Variants in CRADD observed in about 807,000 individuals in gnomAD.
CRADD encodes the protein CARD and death domain containing adaptor protein, also known as death domain-containing protein CRADD.
CRADD carries 9 observed loss-of-function variants against 15.5 expected under a neutral mutation model. The observed-to-expected ratio is 0.58, with a 90% confidence interval of 0.35 to 1.01. CRADD has a LOEUF of 1.01. CRADD is among the 50% of genes least tolerant of loss of function. The pLI is 0.02. For missense variants in CRADD, 227 were observed against 250.3 expected (o/e 0.91, Z 0.63); for synonymous variants, 118 against 107.6 (o/e 1.10, Z -0.60).
intron 2 of CRADD, chr12:93,738,087 G>A (rs573855736): frequency 6.6e-5 from 33 of 500,974 alleles, no homozygotes; most frequent in African/African-American, 5.9e-4. Flanking sequence ...TGTAAGTGTT[G>A]AATTGAGCTA....
In CRADD at chr12:93,709,872, G is replaced by A. The variant is rs73359698; in HGVS notation, c.298+30800G>A. On this transcript the variant is annotated intron_variant, in intron 2 of 2. Transcript: ENST00000332896. ...GTGGTTCATTTTAACTAGAATAGCT[G>A]GTTCATGACTGGTGGCAGTTATTGG... is the stretch of plus-strand genomic sequence containing the variant. 5.3e-3 allele frequency among the ~76,000 whole-genome samples: 805 copies of A among 152,288 alleles called. 3 individuals carry two copies. The highest frequency in any genetic ancestry group is 0.018 in the African/African-American group (760 of 41,560).
At chr12:93,782,213 A>T (rs567219727) in intron 2 of CRADD, among the ~76,000 whole-genome samples, 1 of 152,180 alleles carries the variant, frequency 6.6e-6, no homozygotes, top group African/African-American at 2.4e-5. Context: ...GAAACTGGAA[A>T]CCAGCATTCT....
intron 2 of CRADD, among the ~76,000 whole-genome samples, chr12:93,886,386 CTT>C (rs140874984): frequency 0.12 from 17,753 of 152,022 alleles, 1,133 homozygotes; most frequent in African/African-American, 0.13. Flanking sequence ...GTCTCAAACT[CTT>C]GAGCTCAAGC....
At chr12:93,726,558 C>G (rs1353003226) in intron 2 of CRADD, among the ~76,000 whole-genome samples, 1 of 152,106 alleles carries the variant, frequency 6.6e-6, no homozygotes, top group African/African-American at 2.4e-5. Context: ...TTTACTAGTA[C>G]TCTACTTGGA....
At chr12:93,755,504 G>A (rs1313674507) in intron 2 of CRADD, among the ~76,000 whole-genome samples, 1 of 152,166 alleles carries the variant, frequency 6.6e-6, no homozygotes, top group Non-Finnish European at 1.5e-5. Flanking sequence ...CCAGGTGTTG[G>A]TTGTTTAACA....
chr12:93,886,162 CTTTTTTTTTTT>C (rs761719331), intron 2 of CRADD, among the ~76,000 whole-genome samples: 24 of 123,948 alleles, frequency 1.9e-4, no homozygotes, highest in Admixed American at 1.8e-3. Flanking sequence ...GCTGCTGATG[CTTTTTTTTTTT>C]TTTTTTTTTG....
At chr12:93,697,098 A>G (rs1955726500) in intron 2 of CRADD, among the ~76,000 whole-genome samples, 1 of 152,244 alleles carries the variant, frequency 6.6e-6, no homozygotes, top group Non-Finnish European at 1.5e-5. Context: ...GAGATAATGC[A>G]TATTTTAATC....
chr12:93,783,465 A>G (rs916797491), intron 2 of CRADD, among the ~76,000 whole-genome samples: 7 of 151,898 alleles, frequency 4.6e-5, no homozygotes, highest in African/African-American at 1.7e-4. Context: ...ACAATGAGTA[A>G]ATTAAGATAG....
intron 2 of CRADD, chr12:93,708,807 G>A (rs1405133270): frequency 6.6e-6 from 1 of 152,232 alleles, no homozygotes; most frequent in Non-Finnish European, 1.5e-5. Context: ...TGGGCTGATA[G>A]AACAAAGTAG....
In CRADD at chr12:93,881,482, T is replaced by C. The variant is rs537283040; in HGVS notation, c.299-12568T>C. Among the ~76,000 whole-genome samples the C allele has an allele frequency of 3.6e-4, 54 of 150,570 alleles. No homozygotes were observed. The South Asian group carries it at 0.011, about 32-fold the overall frequency. ...CAATCCTTTGCAGCTTCCAAGAAAA[T>C]GGTTTTTCTTTTCTTCTTTTTGTTT... On this transcript the variant is annotated intron_variant, in intron 2 of 2. Coordinates refer to the CRADD transcript ENST00000548483.
exon 3 of CRADD, chr12:93,894,301 C>T: frequency 1.7e-6 from 1 of 601,084 alleles, no homozygotes; most frequent in South Asian, 2.0e-5. Flanking sequence ...ATGTTGGCAT[C>T]TAGTGAGTAG....
At chr12:93,746,185 T>C (rs1271349880) in intron 2 of CRADD, among the ~76,000 whole-genome samples, 3 of 152,204 alleles carry the variant, frequency 2.0e-5, no homozygotes, top group African/African-American at 7.2e-5. Flanking sequence ...CATAAAATGA[T>C]TAAAGAAGAT....
chr12:93,681,418 G>A (rs540264932), intron 2 of CRADD, among the ~76,000 whole-genome samples: 7 of 152,016 alleles, frequency 4.6e-5, no homozygotes, highest in African/African-American at 1.4e-4. Flanking sequence ...GAACAAATTC[G>A]TACAGTCATC....
intron 2 of CRADD, among the ~76,000 whole-genome samples, chr12:93,829,671 T>A (rs1370143769): frequency 6.6e-6 from 1 of 151,244 alleles, no homozygotes. Flanking sequence ...TTTCATCAGC[T>A]CCCTAAAGTT....
At chr12:93,788,374 T>A (rs1161173407) in intron 2 of CRADD, among the ~76,000 whole-genome samples, 1 of 152,080 alleles carries the variant, frequency 6.6e-6, no homozygotes, top group Non-Finnish European at 1.5e-5. Flanking sequence ...CTCCACCTTG[T>A]CCCTCTCATG....
At chr12:93,808,703 C>T (rs747996235) in intron 2 of CRADD, among the ~76,000 whole-genome samples, 20 of 152,048 alleles carry the variant, frequency 1.3e-4, no homozygotes, top group Non-Finnish European at 1.2e-4. Context: ...ATTTCAGTCC[C>T]CAATCACCTC....
At chr12:93,889,106 A>G (rs530212734) in intron 2 of CRADD, among the ~76,000 whole-genome samples, 1 of 152,304 alleles carries the variant, frequency 6.6e-6, no homozygotes, top group Admixed American at 6.5e-5. Context: ...CAAGGCTGAC[A>G]TCATGTGACA....
chr12:93,715,632 TA>T (rs869134603), intron 2 of CRADD, among the ~76,000 whole-genome samples: 1 of 152,094 alleles, frequency 6.6e-6, no homozygotes, highest in Non-Finnish European at 1.5e-5. Flanking sequence ...AATAGAAATT[TA>T]AAAAAATTTT....
At chr12:93,754,757 C>T (rs968555047) in intron 2 of CRADD, among the ~76,000 whole-genome samples, 16 of 152,184 alleles carry the variant, frequency 1.1e-4, no homozygotes, top group Non-Finnish European at 2.1e-4. Context: ...TCCAAACTTT[C>T]TCACATCTTC....
Sources: allele counts gnomAD v4.1 joint callset (sites outside exome capture counted in the v4.1 genomes callset), GRCh38; gene constraint gnomAD v4.1.1; transcripts MANE v1.5; gene names NCBI Gene and HGNC (gene_info 2026-07-23, HGNC 2026-07-21).